CLPTM1: variants seen among roughly 807,000 people sequenced by gnomAD.
CLPTM1 encodes the protein CLPTM1 regulator of GABA type A receptor forward trafficking, also known as putative lipid scramblase CLPTM1.
A neutral mutation model predicts 77.3 loss-of-function variants in CLPTM1; 21 were observed. That is an observed-to-expected ratio of 0.27 (90% confidence interval 0.19 to 0.39). The LOEUF (loss-of-function observed/expected upper bound fraction) is 0.39. Among genes scored for constraint, CLPTM1 ranks in the 10% least tolerant of loss-of-function variants. The pLI is 1.00. For missense variants in CLPTM1, 642 were observed against 921.2 expected (o/e 0.70, Z 3.92); for synonymous variants, 373 against 381.0 (o/e 0.98, Z 0.24).
chr19:44,969,398 T>C (rs1970683653), intron 2 of CLPTM1, among the ~76,000 whole-genome samples: 1 of 152,130 alleles, frequency 6.6e-6, no homozygotes. Flanking sequence ...ATACCTATAA[T>C]TAATAAGTAC....
intron 5 of CLPTM1, 145 bp downstream of exon 5, chr19:44,977,605 C>G (rs1277341109): frequency 1.0e-5 from 7 of 690,054 alleles, no homozygotes; most frequent in Non-Finnish European, 1.2e-5. Context: ...GCAGGGCAGG[C>G]TCAAGCCCCA....
chr19:44,977,250 A>C, intron 4 of CLPTM1, 93 bp from the exon 5 acceptor site: 2 of 891,742 alleles, frequency 2.2e-6, no homozygotes, highest in Admixed American at 3.6e-5. Context: ...GTTGAGGGGG[A>C]GGAAACTGCT....
chr19:44,991,934 C>T lies in CLPTM1; in HGVS notation c.1556-299C>T, dbSNP rs541334229. Among the ~76,000 whole-genome samples the T allele has an allele frequency of 6.6e-6, 1 of 152,088 alleles. No homozygotes were observed. The highest frequency in any genetic ancestry group is 6.5e-5 in the Admixed American group (1 of 15,278). ...AACAAAAGACCGGGTGAATCACAGCCAATAGTGAGTACTGTGAAGGGCAGA... is the reference window on the plus strand; with the variant it reads ...AACAAAAGACCGGGTGAATCACAGCTAATAGTGAGTACTGTGAAGGGCAGA... On this transcript the variant is annotated intron_variant, in intron 12 of 13. Coordinates refer to ENST00000337392, the MANE Select transcript of CLPTM1 (RefSeq NM_001294.4). The surrounding 1 kb of genome is among the most constrained non-coding windows in gnomAD (Gnocchi z 5.4).
At chr19:44,955,041 G>A (rs1453959296), upstream of CLPTM1, 2 of 1,535,674 alleles carry the variant, frequency 1.3e-6, no homozygotes, top group East Asian at 2.4e-5. Context: ...GAATCGGCAG[G>A]GAGAAGCGGA....
chr19:44,968,334 G>C lies in CLPTM1; in HGVS notation c.186-4753G>C, dbSNP rs140079291. 3.8e-3 allele frequency among the ~76,000 whole-genome samples: 582 copies of C among 152,288 alleles called. 5 individuals are homozygous for C. Among genetic ancestry groups the C allele is most frequent in the African/African-American group, 0.013 (557 of 41,564 alleles). ...GATAGCGGGTGGCGTCTGTGTTTTT[G>C]AGCACATGTGGTTACCTGGAGTGGG... On this transcript the variant is annotated intron_variant, in intron 2 of 13. Transcript: ENST00000337392.
chr19:44,964,146 G>A (rs978943629), intron 2 of CLPTM1, among the ~76,000 whole-genome samples: 3 of 151,300 alleles, frequency 2.0e-5, no homozygotes, highest in Non-Finnish European at 4.4e-5. Flanking sequence ...AGACCTTATC[G>A]CAAAAAAAAG....
rs180935522 is a variant in CLPTM1, at chr19:44,962,912, A to G, written c.185+837A>G. Among the ~76,000 whole-genome samples the G allele has an allele frequency of 2.0e-3, 304 of 151,868 alleles. 1 individual carries two copies. Among genetic ancestry groups the G allele is most frequent in the Non-Finnish European group, 3.3e-3 (225 of 67,942 alleles). ...TACCCCATCTCTACTAAAAATAAAA[A>G]AATTCCGGAGGCTGAGACAGGAGAA... On this transcript the variant is annotated intron_variant, in intron 2 of 13. Transcript: ENST00000337392.
At chr19:44,976,179 G>A (rs1338642082) in intron 4 of CLPTM1, among the ~76,000 whole-genome samples, 2 of 152,192 alleles carry the variant, frequency 1.3e-5, no homozygotes, top group Non-Finnish European at 1.5e-5. Flanking sequence ...GCACTGAGAG[G>A]TGACTCCCAC....
chr19:44,961,815 C>A, intron 1 of CLPTM1, 148 bp from the exon 2 acceptor site: 1 of 498,882 alleles, frequency 2.0e-6, no homozygotes, highest in Non-Finnish European at 3.5e-6. Flanking sequence ...AGGACCGCAC[C>A]TTCCCAGGTG....
In CLPTM1 at chr19:44,974,602, G is replaced by A. The variant is rs77883165; in HGVS notation, c.468+5G>A. 1,757 of 1,612,428 alleles carry A rather than the reference G, an allele frequency of 1.1e-3. 32 individuals carry two copies. The East Asian group carries it at 0.033, about 30-fold the overall frequency. ...GCTGAGCTCGATATCCCACAGGTGG[G>A]GGCAGCTCTCGGTTTCTGGCCCCAT... On this transcript the variant is annotated splice_donor_5th_base_variant and intron_variant, in intron 4 of 13. Coordinates refer to ENST00000337392, the MANE Select transcript of CLPTM1 (RefSeq NM_001294.4).
Position 44,992,976 on chromosome 19 carries a change from C to T in CLPTM1, c.*79C>T, listed in dbSNP as rs757708593. 1.5e-5 allele frequency: 23 copies of T among 1,507,414 alleles called. No individual in the cohort carries two copies. Among genetic ancestry groups the T allele is most frequent in the Admixed American group, 9.5e-5 (5 of 52,494 alleles). 93.4% of individuals were successfully genotyped at this position (1,507,414 alleles called of 1,614,324 possible). A position where few individuals can be genotyped will look rare whatever the true frequency, so the allele number is the denominator to read the frequency against. ...CGGCCCCCTCGCCTCCCCTCCCTGT[C>T]GCCCTTTCCCTGGACAGATCAGGCC... On this transcript the variant is annotated 3_prime_UTR_variant, in exon 14 of 14. Coordinates refer to ENST00000337392, the MANE Select transcript of CLPTM1 (RefSeq NM_001294.4). The surrounding 1 kb of genome is among the most constrained non-coding windows in gnomAD (Gnocchi z 7.7).
intron 1 of CLPTM1, among the ~76,000 whole-genome samples, chr19:44,958,459 T>A (rs979184631): frequency 1.3e-5 from 2 of 151,688 alleles, no homozygotes; most frequent in Admixed American, 1.3e-4. Flanking sequence ...GCAACCTCCG[T>A]CTCCTGGGTT....
chr19:44,958,877 A>C (rs1431613029), intron 1 of CLPTM1, among the ~76,000 whole-genome samples: 4 of 152,322 alleles, frequency 2.6e-5, no homozygotes, highest in South Asian at 2.1e-4. Flanking sequence ...TAATTTTCTA[A>C]AAATGTCTTA....
In CLPTM1 at chr19:44,959,783, T is replaced by C. The variant is rs559352909; in HGVS notation, c.73-2180T>C. Among the ~76,000 whole-genome samples, 33 of 152,300 alleles carry C rather than the reference T, an allele frequency of 2.2e-4. No individual in the cohort carries two copies. In the South Asian group the frequency reaches 2.9e-3, roughly 13 times the overall value. ...GTAGCTGTACTTTTACTTTCCCCCC[T>C]AGCAGCATACGAGGGTTCCTGTTTT... On this transcript the variant is annotated intron_variant, in intron 1 of 13. Transcript: ENST00000337392.
intron 5 of CLPTM1, among the ~76,000 whole-genome samples, chr19:44,980,786 C>T (rs1242736627): frequency 6.6e-6 from 1 of 151,174 alleles, no homozygotes; most frequent in Admixed American, 6.6e-5. Context: ...GACCTCATCT[C>T]TACAAAAAAA....
At chr19:44,970,934 G>T (rs1254667068) in intron 2 of CLPTM1, among the ~76,000 whole-genome samples, 1 of 145,288 alleles carries the variant, frequency 6.9e-6, no homozygotes, top group Non-Finnish European at 1.5e-5. Flanking sequence ...GGGTTCAAGC[G>T]ATTCTCCTGC....
chr19:44,990,828 A>G lies in CLPTM1; in HGVS notation c.1324-22A>G, dbSNP rs776610280. ...GTGGGAGCCAGCGTAGCAACTGACC[A>G]TGGCACCCACCTCATCCACAGCTGG... On this transcript the variant is annotated intron_variant, in intron 10 of 13. Transcript: ENST00000337392. This position sits in a 1 kb window ranked among gnomAD's most constrained non-coding sequence, Gnocchi z 4.8. 5 of 1,593,796 alleles carry G rather than the reference A, an allele frequency of 3.1e-6. No individual in the cohort carries two copies. Among genetic ancestry groups the G allele is most frequent in the African/African-American group, 2.7e-5 (2 of 74,376 alleles).
chr19:44,971,579 T>G lies in CLPTM1; in HGVS notation c.186-1508T>G, dbSNP rs190905079. ...TTAATTAATTAATTGATTAATTTTT[T>G]TGGGACAAGCTCTCTATCTCCCAGG... On this transcript the variant is annotated intron_variant, in intron 2 of 13. Coordinates refer to ENST00000337392, the MANE Select transcript of CLPTM1 (RefSeq NM_001294.4). Among the ~76,000 whole-genome samples the G allele has an allele frequency of 2.1e-3, 325 of 152,238 alleles. 1 individual carries two copies. The highest frequency in any genetic ancestry group is 6.9e-3 in the African/African-American group (286 of 41,560).
At position 44,990,758 on chromosome 19, in the gene CLPTM1, A is replaced by G. The variant is rs11671173; in HGVS notation, c.1324-92A>G. On this transcript the variant is annotated intron_variant, in intron 10 of 13. Transcript: ENST00000337392. This position sits in a 1 kb window ranked among gnomAD's most constrained non-coding sequence, Gnocchi z 4.8. ...TTTGGGTCACACATGGGGCAGGGGA[A>G]CTGGGAACGGTGGGGAAGGGCAGGG... The G allele has an allele frequency of 3.8e-6, 5 of 1,313,690 alleles. No homozygotes were observed. The South Asian group carries it at 4.9e-5, about 13-fold the overall frequency. 81.4% of individuals were successfully genotyped at this position (1,313,690 alleles called of 1,614,324 possible). A position where few individuals can be genotyped will look rare whatever the true frequency, so the allele number is the denominator to read the frequency against.
Sources: allele counts gnomAD v4.1 joint callset (sites outside exome capture counted in the v4.1 genomes callset), GRCh38; gene constraint gnomAD v4.1.1; non-coding constraint Gnocchi (gnomAD v3.1); transcripts MANE v1.5; gene names NCBI Gene and HGNC (gene_info 2026-07-23, HGNC 2026-07-21).